FAM47E: variants seen among roughly 807,000 people sequenced by gnomAD.
FAM47E encodes protein FAM47E.
A neutral mutation model predicts 41.6 loss-of-function variants in FAM47E; 32 were observed. The observed-to-expected ratio is 0.77, with a 90% CI of 0.58 to 1.03. The LOEUF (loss-of-function observed/expected upper bound fraction) is 1.03, where lower values mean the gene tolerates loss of function less well. Ranked by LOEUF, FAM47E falls within the 50% of genes least tolerant of loss-of-function variation. The pLI, the probability that FAM47E is intolerant of heterozygous loss-of-function variation, is 0.00. For synonymous variants in FAM47E, 184 were observed against 188.7 expected (o/e 0.98, Z 0.20); for missense variants, 424 against 485.4 (o/e 0.87, Z 1.19).
chr4:76,244,816 G>A (rs1733790451), intron 2 of FAM47E, among the ~76,000 whole-genome samples: 1 of 152,126 alleles, frequency 6.6e-6, no homozygotes, highest in African/African-American at 2.4e-5. Context: ...GGGATTACAG[G>A]CGTGAGCCAC....
chr4:76,230,209 C>G (rs1175785108), intron 2 of FAM47E, among the ~76,000 whole-genome samples: 5 of 152,062 alleles, frequency 3.3e-5, no homozygotes, highest in African/African-American at 7.2e-5. Context: ...TTGCTATGGC[C>G]ACTGTAGGGG....
In FAM47E at chr4:76,256,435, G is replaced by A. The variant is rs61750472; in HGVS notation, c.332G>A (p.Arg111Gln). ...LSKLSPAQQA[R>Q]KAFLEDVEAH... ...AAGCTCTCGCCAGCCCAGCAGGCTC[G>A]GAAGGCATTCCTGGAGGACGTGGAG... The change falls in exon 2 of 8, where the codon CGG becomes CAG. Residue 111 changes from arginine to glutamine, a missense_variant. Coordinates refer to ENST00000424749, the MANE Select transcript of FAM47E (RefSeq NM_001136570.3). 3.7e-4 allele frequency: 570 copies of A among 1,552,246 alleles called. 4 individuals carry two copies. The highest frequency in any genetic ancestry group is 1.7e-4 in the Middle Eastern group (1 of 5,992).
At chr4:76,261,427 G>T (rs1268249193) in intron 2 of FAM47E, among the ~76,000 whole-genome samples, 1 of 152,178 alleles carries the variant, frequency 6.6e-6, no homozygotes, top group Non-Finnish European at 1.5e-5. Flanking sequence ...CAACCTAAGT[G>T]TCCATCAATG....
intron 4 of FAM47E, among the ~76,000 whole-genome samples, chr4:76,271,094 A>C (rs1441242316): frequency 6.6e-6 from 1 of 152,108 alleles, no homozygotes; most frequent in Non-Finnish European, 1.5e-5. Context: ...AGCTGCTCTT[A>C]ATGTGCCCAT....
intron 1 of FAM47E, among the ~76,000 whole-genome samples, 199 bp from the exon 2 acceptor site, chr4:76,255,979 G>A (rs1254584468): frequency 6.6e-6 from 1 of 152,120 alleles, no homozygotes; most frequent in Admixed American, 6.5e-5. Context: ...GAGGGGCTTT[G>A]TACGGAGCAG....
At chr4:76,214,463 A>G (rs1733161095) in intron 1 of FAM47E, 1 of 368,458 alleles carries the variant, frequency 2.7e-6, no homozygotes, top group Non-Finnish European at 5.4e-6. Flanking sequence ...CAAAACCTGT[A>G]GGAAGCAAGA....
chr4:76,224,012 C>A (rs962334308), intron 2 of FAM47E, among the ~76,000 whole-genome samples: 3 of 152,128 alleles, frequency 2.0e-5, no homozygotes, highest in Non-Finnish European at 4.4e-5. Flanking sequence ...AATCTCCTGC[C>A]AAACCAGGAG....
In FAM47E at chr4:76,231,128, G is replaced by A. The variant is rs183552724; in HGVS notation, c.81+13440G>A. 6.6e-5 allele frequency among the ~76,000 whole-genome samples: 10 copies of A among 152,338 alleles called. 1 individual carries two copies. The highest frequency in any genetic ancestry group is 5.9e-4 in the Admixed American group (9 of 15,304). On this transcript the variant is annotated intron_variant, in intron 2 of 7. Coordinates refer to the FAM47E transcript ENST00000510197. The stretch of plus-strand genomic sequence containing the variant: ...AACTGAGTCCTCCTCCAATAAGGGA[G>A]AGGAAAGGATGTCTTGTGACACACC...
At chr4:76,257,544 G>T in intron 2 of FAM47E, among the ~76,000 whole-genome samples, 1 of 152,100 alleles carries the variant, frequency 6.6e-6, no homozygotes, top group East Asian at 1.9e-4. Flanking sequence ...CAGTACCCCT[G>T]TTCTGCTCCC....
At chr4:76,261,268 T>G (rs1195068996) in intron 2 of FAM47E, among the ~76,000 whole-genome samples, 2 of 152,184 alleles carry the variant, frequency 1.3e-5, no homozygotes, top group African/African-American at 4.8e-5. Flanking sequence ...AAGATGGAGA[T>G]TTCTCAAAGA....
At chr4:76,268,419 A>G (rs1310574534) in intron 3 of FAM47E, 3 of 390,162 alleles carry the variant, frequency 7.7e-6, no homozygotes, top group African/African-American at 6.3e-5. Flanking sequence ...AAAAAAATCA[A>G]CTTATAATGG....
intron 6 of FAM47E, 154 bp downstream of exon 6, chr4:76,278,378 A>C (rs943907797): frequency 1.3e-6 from 1 of 783,100 alleles, no homozygotes; most frequent in East Asian, 3.2e-5. Context: ...AAGCTAAGTA[A>C]TGTTAAGGAG....
intron 1 of FAM47E, among the ~76,000 whole-genome samples, chr4:76,216,836 C>T (rs531928733): frequency 2.0e-5 from 3 of 152,306 alleles, no homozygotes; most frequent in African/African-American, 7.2e-5. Context: ...ACAAAAAGGA[C>T]CTAATTACAG....
At chr4:76,227,244 A>AT in intron 2 of FAM47E, among the ~76,000 whole-genome samples, 1 of 152,152 alleles carries the variant, frequency 6.6e-6, no homozygotes. Flanking sequence ...CGTTCAAAGA[A>AT]TTTTTTAAAT....
intron 2 of FAM47E, among the ~76,000 whole-genome samples, chr4:76,232,117 G>A (rs549561821): frequency 6.6e-6 from 1 of 152,250 alleles, no homozygotes; most frequent in South Asian, 2.1e-4. Flanking sequence ...TCAAATTTTG[G>A]TTACAGAAGT....
intron 6 of FAM47E, chr4:76,279,477 A>T (rs1357243066): frequency 6.6e-6 from 1 of 152,330 alleles, no homozygotes; most frequent in East Asian, 1.9e-4. Flanking sequence ...TGAGCTAATA[A>T]AGTAGCATTA....
intron 4 of FAM47E, among the ~76,000 whole-genome samples, chr4:76,271,062 G>A (rs1347310815): frequency 6.6e-6 from 1 of 152,112 alleles, no homozygotes; most frequent in African/African-American, 2.4e-5. Flanking sequence ...CATATCATAG[G>A]TAAATGCTCA....
At chr4:76,277,319 C>A (rs1257981511) in intron 5 of FAM47E, among the ~76,000 whole-genome samples, 1 of 151,868 alleles carries the variant, frequency 6.6e-6, no homozygotes, top group Non-Finnish European at 1.5e-5. Flanking sequence ...CCCGTCTCTA[C>A]TAAAAAATAC....
intron 3 of FAM47E, among the ~76,000 whole-genome samples, chr4:76,264,475 C>T (rs918369625): frequency 6.6e-6 from 1 of 151,996 alleles, no homozygotes; most frequent in African/African-American, 2.4e-5. Flanking sequence ...TTAAGCTTAA[C>T]GAAAGCACCT....
Sources: gnomAD v4.1 joint callset for allele counts (sites outside exome capture counted in the v4.1 genomes callset) on GRCh38, gnomAD v4.1.1 for gene constraint, MANE v1.5 for transcripts, NCBI Gene and HGNC (gene_info 2026-07-23, HGNC 2026-07-21) for gene names.